The following PDGFRB variants were observed in gnomAD, a reference collection of about 807,000 sequenced individuals.
The protein encoded by PDGFRB is platelet-derived growth factor receptor beta.
PDGFRB carries 42 observed loss-of-function variants against 120.2 expected under a neutral mutation model. That is an observed-to-expected ratio of 0.35 (90% CI 0.27 to 0.45). The LOEUF (loss-of-function observed/expected upper bound fraction) is 0.45. PDGFRB is among the 20% of genes least tolerant of loss of function. PDGFRB has a pLI of 1.00. For synonymous variants in PDGFRB, 586 were observed against 606.8 expected (o/e 0.97, Z 0.50); for missense variants, 1,149 against 1,476.3 (o/e 0.78, Z 3.63).
Position 150,117,637 on chromosome 5 carries a change from C to G in PDGFRB, c.3118G>C (p.Gly1040Arg). The change falls in exon 22 of 23, where the codon GGT (glycine) becomes CGT (arginine). Residue 1040 changes from glycine to arginine, a missense_variant. Coordinates refer to ENST00000261799, the MANE Select transcript of PDGFRB (RefSeq NM_002609.4). ...PEVADEGPLE[G>R]SPSLASSTLN... ...GGTTACCTGGCTAGGCTGGGGGAAC[C>G]CTCCAGTGGGCCCTCGTCAGCAACC... 6.2e-7 allele frequency: 1 copy of G among 1,610,908 alleles called. No individual in the cohort carries two copies. The highest frequency in any genetic ancestry group is 1.1e-5 in the South Asian group (1 of 90,972).
At chr5:150,140,693 G>A (rs1760760203) in intron 1 of PDGFRB, among the ~76,000 whole-genome samples, 1 of 151,776 alleles carries the variant, frequency 6.6e-6, no homozygotes, top group Non-Finnish European at 1.5e-5. Flanking sequence ...AAGTCCAGGG[G>A]AGCAGACTGG....
intron 14 of PDGFRB, among the ~76,000 whole-genome samples, chr5:150,123,616 G>A (rs548678182): frequency 6.6e-6 from 1 of 152,326 alleles, no homozygotes; most frequent in African/African-American, 2.4e-5. Context: ...CAACTACAAT[G>A]CATTTACTTA....
chr5:150,150,432 AG>A (rs1761043138), intron 1 of PDGFRB, among the ~76,000 whole-genome samples: 3 of 152,168 alleles, frequency 2.0e-5, no homozygotes, highest in Admixed American at 2.0e-4. Context: ...TCTCCATCAC[AG>A]GGCGGAGAAG....
rs763109598 is a variant in PDGFRB at position 150,133,593 on chromosome 5, G to T, written c.927C>A (p.Thr309=). ...DHQDEKAINI[T]VVESGYVRLL... ...TGAGCCCAAGGCACACACCAACCAC[G>T]GTGATGTTGATGGCCTTTTCATCCT... The change falls in exon 6 of 23, where the codon ACC becomes ACA. Residue 309 remains threonine (T), a synonymous_variant. Transcript: ENST00000261799. The T allele has an allele frequency of 6.2e-7, 1 of 1,613,460 alleles. No homozygotes were observed. Among genetic ancestry groups the T allele is most frequent in the Admixed American group, 1.7e-5 (1 of 60,030 alleles).
At chr5:150,127,146 C>T (rs1343575284) in intron 10 of PDGFRB, among the ~76,000 whole-genome samples, 2 of 152,210 alleles carry the variant, frequency 1.3e-5, no homozygotes, top group African/African-American at 4.8e-5. Flanking sequence ...GCACGGAGGC[C>T]ACTTCTCCCC....
Position 150,134,026 on chromosome 5 carries a change from G to C in PDGFRB, c.632-18C>G. On this transcript the variant is annotated intron_variant, in intron 4 of 22. Transcript: ENST00000261799. ...GGATGACACTGGTAGAGAGAGATTGGCTTAGGTCTGGGGAAGTCACCACCA... is the reference window on the plus strand; with the variant it reads ...GGATGACACTGGTAGAGAGAGATTGCCTTAGGTCTGGGGAAGTCACCACCA... 6.2e-7 allele frequency: 1 copy of C among 1,613,584 alleles called. No homozygotes were observed. Among genetic ancestry groups the C allele is most frequent in the Non-Finnish European group, 8.5e-7 (1 of 1,179,780 alleles).
At chr5:150,119,976 C>T (rs757782123) in intron 19 of PDGFRB, 36 bp downstream of exon 19, 1 of 1,051,294 alleles carries the variant, frequency 9.5e-7, no homozygotes, top group African/African-American at 1.6e-5. Flanking sequence ...GACACCAGGC[C>T]AGGATGCTGA....
rs756715680 is a variant in PDGFRB, at chr5:150,117,807, G to C, written c.2948C>G (p.Pro983Arg). 1 of 1,613,556 alleles carries C rather than the reference G, an allele frequency of 6.2e-7. No individual in the cohort carries two copies. Among genetic ancestry groups the C allele is most frequent in the Non-Finnish European group, 8.5e-7 (1 of 1,179,558 alleles). ...GCGGGCCTGGGACCGAAGGATGGCT[G>C]GGTGGTCACTCCTCAGAAACTCCTC... ...VDEEFLRSDH[P>R]AILRSQARLP... The change falls in exon 22 of 23, where the codon CCA becomes CGA. Residue 983 changes from proline to arginine, a missense_variant. Pro to Arg is a moderately radical substitution (Grantham distance 103, BLOSUM62 -2). This residue lies in a region of PDGFRB where 202 missense variants were observed against 214.3 expected (regional missense o/e 0.94). Coordinates refer to ENST00000261799, the MANE Select transcript of PDGFRB (RefSeq NM_002609.4).
At chr5:150,148,052 T>A (rs972418125) in intron 1 of PDGFRB, among the ~76,000 whole-genome samples, 4 of 152,058 alleles carry the variant, frequency 2.6e-5, no homozygotes, top group Admixed American at 6.5e-5. Flanking sequence ...CAGGAAGAGG[T>A]AGCTGCTGAT....
In PDGFRB at chr5:150,123,145, G is replaced by A. The variant is rs750537901; in HGVS notation, c.2080C>T (p.His694Tyr). The change falls in exon 15 of 23, where the codon CAC (histidine) becomes TAC (tyrosine). Residue 694 changes from histidine (H) to tyrosine (Y), a missense_variant. Coordinates refer to ENST00000261799, the MANE Select transcript of PDGFRB (RefSeq NM_002609.4). ...TGCAGGAAGGTGTGTTTGTTGCGGT[G>A]CAGGTAGTCCACCAGGTCTCCGTAG... Reference protein sequence around the residue: ...CRYGDLVDYLHRNKHTFLQHH... With the variant: ...CRYGDLVDYLYRNKHTFLQHH... 2.5e-6 allele frequency: 4 copies of A among 1,613,602 alleles called. No homozygotes were observed. The highest frequency in any genetic ancestry group is 3.4e-6 in the Non-Finnish European group (4 of 1,179,702).
Position 150,119,308 on chromosome 5 carries a change from AG to A in PDGFRB, c.2798+158del, listed in dbSNP as rs3832325. Among the ~76,000 whole-genome samples, 37,468 of 152,160 alleles carry A rather than the reference AG, an allele frequency of 0.25. 4,949 individuals carry two copies. The highest frequency in any genetic ancestry group is 0.35 in the Middle Eastern group (102 of 292). ...AAGCAGAGCTCAGGGCTAGAACAAG[AG>A]GTTCCTGATGCCATCCTTTGAATGG... On this transcript the variant is annotated intron_variant, in intron 20 of 22. Transcript: ENST00000261799.
At chr5:150,144,448 T>C (rs1283544568) in intron 1 of PDGFRB, among the ~76,000 whole-genome samples, 1 of 152,054 alleles carries the variant, frequency 6.6e-6, no homozygotes, top group Non-Finnish European at 1.5e-5. Context: ...CCTCTCCCCA[T>C]GAGGCCTCCC....
chr5:150,124,421 A>G, intron 13 of PDGFRB, 61 bp from the exon 14 acceptor site: 2 of 1,219,670 alleles, frequency 1.6e-6, no homozygotes, highest in Non-Finnish European at 2.4e-6. Context: ...AGGCCCCACC[A>G]CAGGAGCCTA....
At chr5:150,124,193 G>T in intron 14 of PDGFRB, 57 bp downstream of exon 14, 1 of 1,200,654 alleles carries the variant, frequency 8.3e-7, no homozygotes, top group Non-Finnish European at 1.2e-6. Flanking sequence ...GGTAGGCGGG[G>T]CCTGGCCTTG....
intron 1 of PDGFRB, among the ~76,000 whole-genome samples, chr5:150,145,831 C>T (rs999565634): frequency 8.5e-5 from 13 of 152,128 alleles, no homozygotes; most frequent in African/African-American, 2.9e-4. Flanking sequence ...AACCCGAGAT[C>T]GCGCCACTGC....
intron 1 of PDGFRB, among the ~76,000 whole-genome samples, chr5:150,140,782 G>A (rs1580815433): frequency 1.3e-5 from 2 of 152,162 alleles, no homozygotes; most frequent in South Asian, 2.1e-4. Flanking sequence ...CAGGGGAGAG[G>A]AGTGGGTGCC....
chr5:150,124,181 G>C (rs56166523), intron 14 of PDGFRB, 69 bp downstream of exon 14: 1 of 1,034,384 alleles, frequency 9.7e-7, no homozygotes, highest in South Asian at 1.4e-5. Context: ...GCCTGAGGGG[G>C]GGGTAGGCGG....
At chr5:150,117,550 A>ACACC in intron 22 of PDGFRB, 68 bp downstream of exon 22, 4 of 569,684 alleles carry the variant, frequency 7.0e-6, no homozygotes, top group Non-Finnish European at 1.1e-5. Context: ...GCGCGCACAC[A>ACACC]CACACACACA....
rs1449193447 is a variant in PDGFRB, at chr5:150,118,801, G to A, written c.2850C>T (p.Pro950=). The change falls in exon 21 of 23, where the codon CCC becomes CCT. Residue 950 remains proline, a synonymous_variant. Transcript: ENST00000261799. ...CWEEKFEIRP[P]FSQLVLLLER... ...CGAGAAGCAGCACCAGCTGGGAGAAGGGGGGCCGAATCTCAAACTTCTCTT... is the reference window on the plus strand; with the variant it reads ...CGAGAAGCAGCACCAGCTGGGAGAAAGGGGGCCGAATCTCAAACTTCTCTT... 1.9e-6 allele frequency: 3 copies of A among 1,612,834 alleles called. No homozygotes were observed. In the African/African-American group the frequency reaches 4.0e-5, roughly 22 times the overall value.
Sources: allele counts gnomAD v4.1 joint callset (sites outside exome capture counted in the v4.1 genomes callset), GRCh38; gene constraint gnomAD v4.1.1; regional missense constraint gnomAD v4.1.1; transcripts MANE v1.5; gene names NCBI Gene and HGNC (gene_info 2026-07-23, HGNC 2026-07-21).